MYLK: variants seen among roughly 807,000 people sequenced by gnomAD.
MYLK encodes the protein myosin light chain kinase.
In MYLK, 106 loss-of-function variants were observed where a neutral mutation model predicts 203.4. The observed-to-expected ratio is 0.52, with a 90% CI of 0.45 to 0.61. The LOEUF is 0.61. Among genes scored for constraint, MYLK ranks in the 20% least tolerant of loss-of-function variants. The probability of loss-of-function intolerance (pLI) is 0.00; values close to 1 mark genes in which losing one functional copy is unlikely to be tolerated. For missense variants in MYLK, 2,072 were observed against 2,442.3 expected, an observed-to-expected ratio of 0.85 and a Z score of 3.20; for synonymous variants, 867 against 959.5, an observed-to-expected ratio of 0.90 and a Z score of 1.78.
intron 3 of MYLK, among the ~76,000 whole-genome samples, chr3:123,798,146 A>C (rs1012877605): frequency 2.0e-5 from 3 of 152,242 alleles, no homozygotes; most frequent in African/African-American, 7.2e-5. Flanking sequence ...CAGAAAGAGC[A>C]GTTCTAATGA....
chr3:123,851,784 G>A (rs1335967865), intron 2 of MYLK, among the ~76,000 whole-genome samples: 3 of 151,986 alleles, frequency 2.0e-5, no homozygotes, highest in Non-Finnish European at 4.4e-5. Flanking sequence ...ACACTATCTT[G>A]AATAGGAGTG....
chr3:123,749,272 T>A (rs1211889178), intron 5 of MYLK, among the ~76,000 whole-genome samples: 25 of 148,308 alleles, frequency 1.7e-4, no homozygotes, highest in Admixed American at 6.0e-4. Flanking sequence ...GAGCAAGACC[T>A]AGCCTCAAAA....
chr3:123,625,483 A>AG (rs1462292208), intron 31 of MYLK, among the ~76,000 whole-genome samples: 1 of 150,614 alleles, frequency 6.6e-6, no homozygotes, highest in Non-Finnish European at 1.5e-5. Flanking sequence ...AAAAAAAAAA[A>AG]AAGAAACCAT....
At chr3:123,627,661 A>C (rs968389944) in intron 30 of MYLK, among the ~76,000 whole-genome samples, 1 of 152,226 alleles carries the variant, frequency 6.6e-6, no homozygotes, top group African/African-American at 2.4e-5. Flanking sequence ...TGAACTTTAG[A>C]TAAAGGGATT....
chr3:123,705,139 G>A (rs780572366), intron 16 of MYLK, among the ~76,000 whole-genome samples: 3 of 148,756 alleles, frequency 2.0e-5, no homozygotes, highest in Non-Finnish European at 3.0e-5. Context: ...CCTGCACACC[G>A]GACCCCCGGC....
intron 5 of MYLK, among the ~76,000 whole-genome samples, 157 bp downstream of exon 5, chr3:123,752,174 C>A (rs1319687147): frequency 1.3e-5 from 2 of 152,160 alleles, no homozygotes; most frequent in Non-Finnish European, 2.9e-5. Context: ...GGGACCACAT[C>A]TCTCCCATTA....
chr3:123,782,721 C>G (rs1455440314), intron 4 of MYLK, among the ~76,000 whole-genome samples: 1 of 152,068 alleles, frequency 6.6e-6, no homozygotes, highest in African/African-American at 2.4e-5. Flanking sequence ...GGCAGACAGT[C>G]GAGATAATTG....
At chr3:123,881,150 G>T (rs1038293921) in intron 1 of MYLK, among the ~76,000 whole-genome samples, 2 of 152,102 alleles carry the variant, frequency 1.3e-5, no homozygotes, top group Non-Finnish European at 2.9e-5. Context: ...TAGGAGGCTG[G>T]GGGAGCACAG....
At chr3:123,849,041 T>G (rs2148662595) in intron 2 of MYLK, among the ~76,000 whole-genome samples, 1 of 152,294 alleles carries the variant, frequency 6.6e-6, no homozygotes, top group East Asian at 1.9e-4. Context: ...AGTGGCATGA[T>G]CACAGCACAC....
At chr3:123,848,194 A>C (rs935795395) in intron 2 of MYLK, among the ~76,000 whole-genome samples, 1 of 151,050 alleles carries the variant, frequency 6.6e-6, no homozygotes, top group Admixed American at 6.6e-5. Flanking sequence ...TTTATTATCA[A>C]TTTCATATCA....
intron 5 of MYLK, among the ~76,000 whole-genome samples, chr3:123,744,473 T>G (rs1012722423): frequency 2.6e-5 from 4 of 152,184 alleles, no homozygotes; most frequent in African/African-American, 9.6e-5. Flanking sequence ...AAAATAACTT[T>G]AAAAGAAGAT....
chr3:123,873,251 G>A (rs991293517), intron 2 of MYLK, among the ~76,000 whole-genome samples: 4 of 151,898 alleles, frequency 2.6e-5, no homozygotes, highest in Admixed American at 6.6e-5. Context: ...ATTCATTCAC[G>A]GTAAAGACAA....
At chr3:123,654,765 G>T (rs1576447021) in intron 24 of MYLK, among the ~76,000 whole-genome samples, 1 of 136,206 alleles carries the variant, frequency 7.3e-6, no homozygotes. Context: ...CACCCAGGCT[G>T]GAGTTCAGTG....
intron 2 of MYLK, among the ~76,000 whole-genome samples, chr3:123,837,894 G>GA (rs1269800832): frequency 1.3e-5 from 2 of 151,808 alleles, no homozygotes; most frequent in Non-Finnish European, 2.9e-5. Flanking sequence ...AGAGTAGGGG[G>GA]AAAAAAAGAA....
intron 2 of MYLK, among the ~76,000 whole-genome samples, chr3:123,839,810 C>G (rs939663611): frequency 3.3e-5 from 5 of 152,062 alleles, no homozygotes; most frequent in Admixed American, 3.3e-4. Context: ...CTAAACAAAC[C>G]TGAATCAAAT....
chr3:123,758,978 C>G (rs1377750778), intron 4 of MYLK, among the ~76,000 whole-genome samples: 1 of 152,164 alleles, frequency 6.6e-6, no homozygotes, highest in African/African-American at 2.4e-5. Flanking sequence ...GCATATGCCA[C>G]TATGCCCAGC....
At chr3:123,620,527 G>A in intron 31 of MYLK, 191 bp from the exon 32 acceptor site, 1 of 1,447,254 alleles carries the variant, frequency 6.9e-7, no homozygotes, top group Non-Finnish European at 9.1e-7. Context: ...CAGTGTGTCA[G>A]AAGATGTTCA....
intron 3 of MYLK, among the ~76,000 whole-genome samples, chr3:123,816,340 T>A (rs924979734): frequency 6.6e-6 from 1 of 152,212 alleles, no homozygotes; most frequent in Non-Finnish European, 1.5e-5. Flanking sequence ...GTCCTCCCTA[T>A]AATGGGGGGA....
At chr3:123,845,486 G>A (rs781122577) in intron 2 of MYLK, among the ~76,000 whole-genome samples, 2 of 151,260 alleles carry the variant, frequency 1.3e-5, no homozygotes, top group African/African-American at 2.5e-5. Context: ...TTGGGTTTTC[G>A]TTTTGTTTTG....
Sources: allele counts gnomAD v4.1 joint callset (sites outside exome capture counted in the v4.1 genomes callset), GRCh38; gene constraint gnomAD v4.1.1; transcripts MANE v1.5; gene names NCBI Gene and HGNC (gene_info 2026-07-23, HGNC 2026-07-21).